ADAM2: variants seen among roughly 807,000 people sequenced by gnomAD.
ADAM2 encodes disintegrin and metalloproteinase domain-containing protein 2.
Under a neutral mutation model 99.3 loss-of-function variants are expected in ADAM2, and 101 were observed. That is an observed-to-expected ratio of 1.02 (90% CI 0.87 to 1.20). The LOEUF (loss-of-function observed/expected upper bound fraction) is 1.20, where lower values mean the gene tolerates loss of function less well. Ranked by LOEUF, ADAM2 falls within the 50% of genes most tolerant of loss-of-function variation. The pLI is 0.00. For synonymous variants in ADAM2, 323 were observed against 287.6 expected (o/e 1.12, Z -1.25); for missense variants, 948 against 878.7 (o/e 1.08, Z -1.00).
At chr8:39,750,213 A>G (rs538233514) in intron 16 of ADAM2, among the ~76,000 whole-genome samples, 3 of 152,238 alleles carry the variant, frequency 2.0e-5, no homozygotes, top group South Asian at 4.1e-4. Context: ...TGATTCTACC[A>G]TGGAAGACCG....
At chr8:39,772,109 T>TAA (rs201824657) in intron 11 of ADAM2, among the ~76,000 whole-genome samples, 326 of 127,568 alleles carry the variant, frequency 2.6e-3, no homozygotes, top group Non-Finnish European at 3.3e-3. Flanking sequence ...GAGAGAACGG[T>TAA]AAAAAAAAAA....
At chr8:39,801,281 G>T (rs1403240078) in intron 7 of ADAM2, among the ~76,000 whole-genome samples, 2 of 152,080 alleles carry the variant, frequency 1.3e-5, no homozygotes, top group Non-Finnish European at 2.9e-5. Flanking sequence ...CTTCTGTAGG[G>T]CTGCTGCAGT....
intron 3 of ADAM2, among the ~76,000 whole-genome samples, chr8:39,832,265 C>T (rs1016751706): frequency 1.3e-5 from 2 of 152,120 alleles, no homozygotes; most frequent in African/African-American, 4.8e-5. Flanking sequence ...GTCCAGGCCT[C>T]GTTGTCTTTT....
intron 10 of ADAM2, among the ~76,000 whole-genome samples, chr8:39,781,427 C>G (rs1025825364): frequency 2.6e-4 from 40 of 152,206 alleles, no homozygotes; most frequent in African/African-American, 8.2e-4. Flanking sequence ...TTATTTTGAT[C>G]TCAGTACAAT....
chr8:39,777,260 G>A, intron 10 of ADAM2, 99 bp from the exon 11 acceptor site: 1 of 911,286 alleles, frequency 1.1e-6, no homozygotes, highest in South Asian at 1.9e-5. Flanking sequence ...TGGAATAGGG[G>A]CATCTGTTAT....
chr8:39,760,839 C>G (rs983592588), intron 15 of ADAM2, among the ~76,000 whole-genome samples: 2 of 126,838 alleles, frequency 1.6e-5, no homozygotes, highest in African/African-American at 6.2e-5. Context: ...AAAGTAATAG[C>G]ACCACTGCAT....
intron 6 of ADAM2, among the ~76,000 whole-genome samples, chr8:39,813,161 A>G (rs1399958477): frequency 6.6e-6 from 1 of 152,192 alleles, no homozygotes; most frequent in Admixed American, 6.5e-5. Context: ...CAACAGACAG[A>G]TGAAAAAATG....
chr8:39,826,609 G>C (rs901580913), intron 3 of ADAM2, among the ~76,000 whole-genome samples: 3 of 151,878 alleles, frequency 2.0e-5, no homozygotes, highest in African/African-American at 7.2e-5. Context: ...TGTAGTCCCA[G>C]CTACTTGGGA....
intron 15 of ADAM2, among the ~76,000 whole-genome samples, chr8:39,756,570 A>T (rs183856078): frequency 6.6e-6 from 1 of 152,328 alleles, no homozygotes; most frequent in Admixed American, 6.5e-5. Context: ...GATCAACTGC[A>T]TATGTTGAGA....
intron 10 of ADAM2, among the ~76,000 whole-genome samples, chr8:39,778,067 CAT>C (rs1803071187): frequency 2.0e-5 from 3 of 147,682 alleles, no homozygotes; most frequent in East Asian, 3.9e-4. Flanking sequence ...AAATTATAAA[CAT>C]ATAATTTAAA....
intron 14 of ADAM2, among the ~76,000 whole-genome samples, chr8:39,764,963 C>T (rs1802512567): frequency 6.6e-6 from 1 of 151,894 alleles, no homozygotes; most frequent in Non-Finnish European, 1.5e-5. Flanking sequence ...GTGAAGGTTG[C>T]AGTAAGCCAA....
intron 11 of ADAM2, among the ~76,000 whole-genome samples, chr8:39,770,660 G>C (rs969731300): frequency 6.6e-6 from 1 of 152,116 alleles, no homozygotes; most frequent in Non-Finnish European, 1.5e-5. Flanking sequence ...TCATAAAGTT[G>C]TGAGAGTATC....
chr8:39,837,161 ATTGACCGTAT>A lies in ADAM2; in HGVS notation c.97_106del (p.Ile33Ter). 1.0e-5 allele frequency: 16 copies of A among 1,607,980 alleles called. No individual in the cohort carries two copies. The highest frequency in any genetic ancestry group is 1.4e-5 in the Non-Finnish European group (16 of 1,175,918). ...CTGCGATTCAATTCCTTCCTTTATT[ATTGACCGTAT>A]TTTCTCCGGAACTGTAATTTGCACA... On this transcript the variant is annotated frameshift_variant, in exon 2 of 21. Transcript: ENST00000265708. LOFTEE classifies it high-confidence loss of function.
chr8:39,796,889 T>C (rs993578510), intron 7 of ADAM2, among the ~76,000 whole-genome samples: 1 of 152,076 alleles, frequency 6.6e-6, no homozygotes, highest in Non-Finnish European at 1.5e-5. Context: ...TTTGATGGGG[T>C]TGTTTTTTTT....
At chr8:39,751,989 C>A (rs556888496) in intron 16 of ADAM2, among the ~76,000 whole-genome samples, 2 of 152,234 alleles carry the variant, frequency 1.3e-5, no homozygotes, top group East Asian at 3.9e-4. Flanking sequence ...TGTGCCACCA[C>A]GCCCACTTAA....
At chr8:39,835,798 T>C (rs1805799720) in intron 2 of ADAM2, among the ~76,000 whole-genome samples, 1 of 152,146 alleles carries the variant, frequency 6.6e-6, no homozygotes, top group Admixed American at 6.5e-5. Context: ...ATTTGTTGAA[T>C]TAATTAGCAT....
intron 8 of ADAM2, 91 bp downstream of exon 8, chr8:39,788,578 C>T: frequency 2.3e-6 from 2 of 854,510 alleles, no homozygotes; most frequent in Non-Finnish European, 3.5e-6. Context: ...TTATGCCACA[C>T]AACGTGTGGA....
chr8:39,809,271 A>T, intron 7 of ADAM2, 139 bp downstream of exon 7: 1 of 549,918 alleles, frequency 1.8e-6, no homozygotes, highest in Admixed American at 3.9e-5. Context: ...TTTACTACTG[A>T]TATTAATAAT....
intron 4 of ADAM2, among the ~76,000 whole-genome samples, chr8:39,822,210 A>G (rs781613229): frequency 6.6e-6 from 1 of 152,148 alleles, no homozygotes. Context: ...CAATTGGGGT[A>G]TACTTCATAC....
Sources: gnomAD v4.1 joint callset for allele counts (sites outside exome capture counted in the v4.1 genomes callset) on GRCh38, gnomAD v4.1.1 for gene constraint, MANE v1.5 for transcripts, NCBI Gene and HGNC (gene_info 2026-07-23, HGNC 2026-07-21) for gene names.